Variants in EBF2 observed in about 807,000 individuals in gnomAD.
The protein encoded by EBF2 is EBF transcription factor 2, also known as transcription factor COE2.
A neutral mutation model predicts 72.8 loss-of-function variants in EBF2; 21 were observed. The ratio of observed to expected loss-of-function variants is 0.29; its 90% confidence interval spans 0.20 to 0.42. The LOEUF (loss-of-function observed/expected upper bound fraction) is 0.42. Ranked by LOEUF, EBF2 falls within the 10% of genes least tolerant of loss-of-function variation. The pLI, the probability that EBF2 is intolerant of heterozygous loss-of-function variation, is 1.00. For synonymous variants in EBF2, 299 were observed against 274.2 expected (o/e 1.09, Z -0.89); for missense variants, 637 against 731.2 (o/e 0.87, Z 1.49).
chr8:25,945,088 G>GCCC (rs11461828), intron 6 of EBF2, among the ~76,000 whole-genome samples: 52 of 127,472 alleles, frequency 4.1e-4, no homozygotes, highest in Admixed American at 7.3e-4. Context: ...TTGTTCTGTT[G>GCCC]CCCCCCCCGC....
chr8:25,948,864 G>A lies in EBF2; in HGVS notation c.552-40309C>T, dbSNP rs1398408844. 2.8e-4 allele frequency among the ~76,000 whole-genome samples: 43 copies of A among 152,136 alleles called. 1 individual carries two copies. The highest frequency in any genetic ancestry group is 2.8e-3 in the Admixed American group (43 of 15,272). ...ATCTCTGCAAAATGAGGCCAGCAAG[G>A]GTGTGGCTTTAATCCAAACTCTAAC... is the stretch of plus-strand genomic sequence containing the variant. On this transcript the variant is annotated intron_variant, in intron 6 of 15. Coordinates refer to ENST00000520164, the MANE Select transcript of EBF2 (RefSeq NM_022659.4).
intron 6 of EBF2, among the ~76,000 whole-genome samples, chr8:25,993,675 G>A (rs903231190): frequency 6.6e-6 from 1 of 152,150 alleles, no homozygotes; most frequent in Non-Finnish European, 1.5e-5. Context: ...AGCTTGAGAT[G>A]CTCCCTAGAA....
chr8:25,983,578 G>A (rs961792910), intron 6 of EBF2, among the ~76,000 whole-genome samples: 7 of 152,262 alleles, frequency 4.6e-5, no homozygotes, highest in African/African-American at 1.7e-4. Context: ...ACTGGGTTGT[G>A]GGTTCCTAAC....
intron 6 of EBF2, among the ~76,000 whole-genome samples, chr8:25,966,863 A>G (rs1409330956): frequency 1.3e-5 from 2 of 152,214 alleles, no homozygotes; most frequent in Admixed American, 1.3e-4. Flanking sequence ...TACAGCCACA[A>G]CAAGCTGTGG....
At chr8:26,020,756 A>AT (rs139732530) in intron 6 of EBF2, among the ~76,000 whole-genome samples, 16 of 151,780 alleles carry the variant, frequency 1.1e-4, no homozygotes, top group African/African-American at 3.4e-4. Context: ...TCAAAGTCAG[A>AT]TTTTTTTTTC....
chr8:25,921,487 C>G (rs562236293), intron 6 of EBF2, among the ~76,000 whole-genome samples: 3 of 152,174 alleles, frequency 2.0e-5, no homozygotes, highest in South Asian at 2.1e-4. Context: ...TACCCAACCC[C>G]TATATCTGTA....
intron 10 of EBF2, among the ~76,000 whole-genome samples, chr8:25,880,787 T>C (rs1802593476): frequency 6.6e-6 from 1 of 152,194 alleles, no homozygotes. Context: ...CTGTGTTAAA[T>C]GTATTCATTA....
intron 6 of EBF2, among the ~76,000 whole-genome samples, chr8:26,019,705 T>A (rs917490613): frequency 1.6e-4 from 24 of 152,206 alleles, no homozygotes; most frequent in African/African-American, 5.8e-4. Flanking sequence ...CAACAGCTCT[T>A]TCTCTCCTGG....
chr8:25,989,214 A>T (rs1168304638), intron 6 of EBF2, among the ~76,000 whole-genome samples: 4 of 152,200 alleles, frequency 2.6e-5, no homozygotes, highest in African/African-American at 9.6e-5. Context: ...GATGAATTAA[A>T]TGTGACTCTT....
At chr8:25,956,991 T>A (rs1803959382) in intron 6 of EBF2, among the ~76,000 whole-genome samples, 1 of 152,222 alleles carries the variant, frequency 6.6e-6, no homozygotes, top group Non-Finnish European at 1.5e-5. Context: ...CATCTACCAA[T>A]ATCCATACTG....
At chr8:25,860,381 T>C (rs1480116803) in intron 13 of EBF2, among the ~76,000 whole-genome samples, 1 of 152,190 alleles carries the variant, frequency 6.6e-6, no homozygotes, top group Non-Finnish European at 1.5e-5. Flanking sequence ...CTTTCCAGTA[T>C]TCAATCTGAT....
rs190266124 is a variant in EBF2, at chr8:25,956,125, A to T, written c.552-47570T>A. ...GGAGGGAGAGCATTATTCCTTTTTT[A>T]AAAAAATTGCTGGCCGGGTTCAGTG... On this transcript the variant is annotated intron_variant, in intron 6 of 15. Coordinates refer to ENST00000520164, the MANE Select transcript of EBF2 (RefSeq NM_022659.4). 5.2e-4 allele frequency among the ~76,000 whole-genome samples: 79 copies of T among 152,272 alleles called. 1 individual carries two copies. The East Asian group carries it at 0.013, about 26-fold the overall frequency.
intron 10 of EBF2, among the ~76,000 whole-genome samples, chr8:25,874,451 G>A (rs1802487987): frequency 6.6e-6 from 1 of 152,094 alleles, no homozygotes; most frequent in African/African-American, 2.4e-5. Flanking sequence ...AAGATAAGAA[G>A]TATTCTGGGA....
At chr8:25,995,525 C>A (rs561576756) in intron 6 of EBF2, among the ~76,000 whole-genome samples, 79 of 152,066 alleles carry the variant, frequency 5.2e-4, no homozygotes, top group Middle Eastern at 3.4e-3. Context: ...CATGTTAGAT[C>A]GAAAATATGT....
chr8:25,943,459 A>T (rs1361038665), intron 6 of EBF2, among the ~76,000 whole-genome samples: 2 of 152,100 alleles, frequency 1.3e-5, no homozygotes, highest in Non-Finnish European at 2.9e-5. Context: ...ACAGTAAGTT[A>T]TGATCATGCC....
chr8:25,876,253 C>T (rs771597717), intron 10 of EBF2, among the ~76,000 whole-genome samples: 4 of 151,962 alleles, frequency 2.6e-5, no homozygotes, highest in East Asian at 1.9e-4. Context: ...CACACACTGT[C>T]GGTGGGTTGG....
intron 6 of EBF2, among the ~76,000 whole-genome samples, chr8:25,975,737 T>C (rs1361909239): frequency 6.6e-6 from 1 of 152,150 alleles, no homozygotes; most frequent in African/African-American, 2.4e-5. Flanking sequence ...TTTTAAAAAG[T>C]TTTATTTTCA....
At chr8:25,995,669 C>T (rs1405463428) in intron 6 of EBF2, among the ~76,000 whole-genome samples, 2 of 151,342 alleles carry the variant, frequency 1.3e-5, no homozygotes, top group Non-Finnish European at 2.9e-5. Flanking sequence ...AAAAAACACC[C>T]AAATAAAAAA....
intron 6 of EBF2, among the ~76,000 whole-genome samples, chr8:25,963,973 TG>T (rs1470881256): frequency 2.6e-5 from 4 of 152,180 alleles, no homozygotes; most frequent in Non-Finnish European, 5.9e-5. Flanking sequence ...GAGAATTTTA[TG>T]GGATATCAGG....
Sources: allele counts gnomAD v4.1 joint callset (sites outside exome capture counted in the v4.1 genomes callset), GRCh38; gene constraint gnomAD v4.1.1; transcripts MANE v1.5; gene names NCBI Gene and HGNC (gene_info 2026-07-23, HGNC 2026-07-21).